Variants in GRIA4 observed in about 807,000 individuals in gnomAD.
GRIA4 encodes the protein glutamate ionotropic receptor AMPA type subunit 4.
In GRIA4, 34 loss-of-function variants were observed where a neutral mutation model predicts 104.0. The observed-to-expected ratio is 0.33, with a 90% CI of 0.25 to 0.44. GRIA4 has a LOEUF of 0.44. Ranked by LOEUF, GRIA4 falls within the 20% of genes least tolerant of loss-of-function variation. The probability of loss-of-function intolerance (pLI) is 1.00; values close to 1 mark genes in which losing one functional copy is unlikely to be tolerated. For missense variants in GRIA4, 750 were observed against 1,096.5 expected (o/e 0.68, Z 4.46); for synonymous variants, 386 against 381.9 (o/e 1.01, Z -0.13).
chr11:105,899,662 T>A (rs1183320803), intron 7 of GRIA4, among the ~76,000 whole-genome samples: 1 of 152,200 alleles, frequency 6.6e-6, no homozygotes, highest in Non-Finnish European at 1.5e-5. Context: ...TAAGTAAATA[T>A]AGAACTATTG....
intron 5 of GRIA4, 30 bp downstream of exon 5, chr11:105,862,238 A>G (rs1017427160): frequency 7.7e-6 from 10 of 1,297,566 alleles, no homozygotes; most frequent in Non-Finnish European, 1.1e-5. Flanking sequence ...TTTTTAACCT[A>G]GACCCTATAC....
At chr11:105,778,842 T>G (rs1339880531) in intron 4 of GRIA4, among the ~76,000 whole-genome samples, 1 of 151,716 alleles carries the variant, frequency 6.6e-6, no homozygotes, top group East Asian at 1.9e-4. Context: ...CGTGCAAGTT[T>G]GTTACATATG....
intron 3 of GRIA4, among the ~76,000 whole-genome samples, chr11:105,653,744 G>A (rs1016285252): frequency 6.6e-6 from 1 of 151,800 alleles, no homozygotes. Context: ...GAAAATTCTT[G>A]GCTGTGGAAA....
At chr11:105,776,011 A>T (rs1941432492) in intron 4 of GRIA4, among the ~76,000 whole-genome samples, 1 of 152,116 alleles carries the variant, frequency 6.6e-6, no homozygotes, top group Non-Finnish European at 1.5e-5. Context: ...ATAATTTTTA[A>T]TACAAAAGTA....
rs1299256765 is a variant in GRIA4, at chr11:105,866,551, G to GTGTGTATATA, written c.672+4344_672+4345insGTGTATATAT. ...TATACGCATATGTGTGTGTGTGTGT[G>GTGTGTATATA]TATATATATATATATATATATATAT... On this transcript the variant is annotated intron_variant, in intron 5 of 16. Transcript: ENST00000282499. 5.1e-3 allele frequency among the ~76,000 whole-genome samples: 389 copies of GTGTGTATATA among 76,652 alleles called. 2 individuals are homozygous for GTGTGTATATA. Among genetic ancestry groups the GTGTGTATATA allele is most frequent in the Non-Finnish European group, 7.3e-3 (316 of 43,514 alleles). The allele number at this position is 76,652 out of a possible 152,430, so 50.3% of individuals were successfully genotyped here. A position where few individuals can be genotyped will look rare whatever the true frequency, so the allele number is the denominator to read the frequency against.
chr11:105,659,505 C>G (rs1951943604), intron 3 of GRIA4, among the ~76,000 whole-genome samples: 1 of 151,802 alleles, frequency 6.6e-6, no homozygotes, highest in Non-Finnish European at 1.5e-5. Context: ...TCAAGGATGG[C>G]AAAGAAGAAG....
intron 3 of GRIA4, among the ~76,000 whole-genome samples, chr11:105,748,524 G>C (rs1445168251): frequency 2.0e-5 from 3 of 151,876 alleles, no homozygotes; most frequent in African/African-American, 7.3e-5. Context: ...CTGGGATTAC[G>C]GGCATGTGCC....
intron 4 of GRIA4, among the ~76,000 whole-genome samples, chr11:105,760,483 T>A (rs192312040): frequency 6.6e-6 from 1 of 152,288 alleles, no homozygotes; most frequent in Non-Finnish European, 1.5e-5. Context: ...TGTTCCTTAG[T>A]GACCTATAAT....
intron 3 of GRIA4, among the ~76,000 whole-genome samples, chr11:105,731,278 CTCA>C (rs1483141995): frequency 6.6e-6 from 1 of 152,104 alleles, no homozygotes; most frequent in Non-Finnish European, 1.5e-5. Context: ...ATGCAAAAAG[CTCA>C]TCATCACTGG....
chr11:105,927,650 G>C (rs1947747736), intron 13 of GRIA4, among the ~76,000 whole-genome samples: 1 of 151,848 alleles, frequency 6.6e-6, no homozygotes, highest in Non-Finnish European at 1.5e-5. Context: ...GAACAATAGA[G>C]GTTTTTATTT....
At chr11:105,778,226 T>C (rs949573744) in intron 4 of GRIA4, among the ~76,000 whole-genome samples, 2 of 152,202 alleles carry the variant, frequency 1.3e-5, no homozygotes, top group African/African-American at 2.4e-5. Flanking sequence ...AGTTTTCACC[T>C]ATGCTTTTAA....
chr11:105,948,919 T>C (rs1948397662), intron 14 of GRIA4, among the ~76,000 whole-genome samples: 1 of 152,132 alleles, frequency 6.6e-6, no homozygotes, highest in Non-Finnish European at 1.5e-5. Context: ...AGGTGATGTG[T>C]TTTCTTGGCT....
intron 3 of GRIA4, among the ~76,000 whole-genome samples, chr11:105,621,783 T>C (rs1012281314): frequency 2.0e-5 from 3 of 151,832 alleles, no homozygotes; most frequent in Admixed American, 6.6e-5. Context: ...TATTATCATA[T>C]ATTTTCAAAA....
At position 105,851,642 on chromosome 11, in the gene GRIA4, T is replaced by C. The variant is rs568378830; in HGVS notation, c.488-10382T>C. 8.5e-5 allele frequency among the ~76,000 whole-genome samples: 13 copies of C among 152,248 alleles called. No individual in the cohort carries two copies. In the South Asian group the frequency reaches 2.7e-3, roughly 32 times the overall value. ...ATACAGACTCTCTTAGCGCAGGGAATAGCCATTGCATTCCGTTAAAGGCAA... is the reference window on the plus strand; with the variant it reads ...ATACAGACTCTCTTAGCGCAGGGAACAGCCATTGCATTCCGTTAAAGGCAA... On this transcript the variant is annotated intron_variant, in intron 4 of 16. Coordinates refer to ENST00000282499, the MANE Select transcript of GRIA4 (RefSeq NM_000829.4).
chr11:105,651,498 A>G (rs1951685849), intron 3 of GRIA4, among the ~76,000 whole-genome samples: 1 of 152,128 alleles, frequency 6.6e-6, no homozygotes, highest in African/African-American at 2.4e-5. Flanking sequence ...ACTTTTCCAG[A>G]TAATTGTGAT....
intron 14 of GRIA4, among the ~76,000 whole-genome samples, chr11:105,955,179 T>C (rs1486362530): frequency 6.6e-6 from 1 of 152,092 alleles, no homozygotes; most frequent in Non-Finnish European, 1.5e-5. Context: ...AAATGGGATA[T>C]ATGTGCAGAA....
chr11:105,733,437 G>A (rs367975373), intron 3 of GRIA4, among the ~76,000 whole-genome samples: 205 of 151,978 alleles, frequency 1.3e-3, no homozygotes, highest in African/African-American at 4.6e-3. Flanking sequence ...GTTTCTCTTT[G>A]GTTTCCATAG....
intron 11 of GRIA4, among the ~76,000 whole-genome samples, chr11:105,919,698 G>C (rs1336080285): frequency 6.6e-6 from 1 of 152,068 alleles, no homozygotes; most frequent in East Asian, 1.9e-4. Flanking sequence ...AAATCAAACT[G>C]GCAATTATCA....
chr11:105,978,159 T>C (rs1279256169), intron 16 of GRIA4, among the ~76,000 whole-genome samples: 1 of 152,068 alleles, frequency 6.6e-6, no homozygotes, highest in Non-Finnish European at 1.5e-5. Flanking sequence ...ATAAAAAGTA[T>C]CTTCCTATAT....
Sources: allele counts gnomAD v4.1 joint callset (sites outside exome capture counted in the v4.1 genomes callset), GRCh38; gene constraint gnomAD v4.1.1; transcripts MANE v1.5; gene names NCBI Gene and HGNC (gene_info 2026-07-23, HGNC 2026-07-21).